EHMT1: variants seen among roughly 807,000 people sequenced by gnomAD.
EHMT1 encodes euchromatic histone lysine methyltransferase 1.
Under a neutral mutation model 147.2 loss-of-function variants are expected in EHMT1, and 15 were observed. The observed-to-expected ratio is 0.10, with a 90% CI of 0.07 to 0.16. The LOEUF is 0.16. EHMT1 is among the 10% of genes least tolerant of loss of function. EHMT1 has a pLI of 1.00. For synonymous variants in EHMT1, 795 were observed against 709.6 expected (o/e 1.12, Z -1.91); for missense variants, 1,587 against 1,772.4 (o/e 0.90, Z 1.88).
chr9:137,653,025 G>T (rs1345289162), intron 1 of EHMT1, among the ~76,000 whole-genome samples: 1 of 152,130 alleles, frequency 6.6e-6, no homozygotes, highest in Non-Finnish European at 1.5e-5. Context: ...ACTGTGCCTG[G>T]CCTTAGATGG....
chr9:137,790,950 G>A lies in EHMT1; in HGVS notation c.2485G>A (p.Gly829Arg). 1.2e-6 allele frequency: 2 copies of A among 1,614,178 alleles called. No individual in the cohort carries two copies. Among genetic ancestry groups the A allele is most frequent in the Non-Finnish European group, 1.7e-6 (2 of 1,180,034 alleles). Residue 829 changes from glycine (G) to arginine (R), a missense_variant, in exon 16 of 27, where the codon GGG becomes AGG. Gly to Arg is a moderately radical substitution (Grantham distance 125, BLOSUM62 -2). Coordinates refer to ENST00000460843, the MANE Select transcript of EHMT1 (RefSeq NM_024757.5). ...AGCAGTGAAGTACCTCATCAAGGCT[G>A]GGGCCCTGGTGGATCCCAAGGTATG... Reference protein sequence around the residue: ...LEAVKYLIKAGALVDPKDAEG... With the variant: ...LEAVKYLIKARALVDPKDAEG...
chr9:137,735,272 G>A (rs1489064159), intron 4 of EHMT1, among the ~76,000 whole-genome samples: 5 of 152,206 alleles, frequency 3.3e-5, no homozygotes, highest in African/African-American at 1.2e-4. Context: ...GAACAGATAT[G>A]TAAAGGAGCA....
At chr9:137,633,531 C>G (rs946717250) in intron 1 of EHMT1, among the ~76,000 whole-genome samples, 1 of 152,078 alleles carries the variant, frequency 6.6e-6, no homozygotes, top group Non-Finnish European at 1.5e-5. Flanking sequence ...CAGTATCAGT[C>G]CAGGAGCAGA....
intron 4 of EHMT1, among the ~76,000 whole-genome samples, chr9:137,741,226 T>C (rs1948050316): frequency 6.6e-6 from 1 of 152,048 alleles, no homozygotes; most frequent in South Asian, 2.1e-4. Context: ...TCCACCCGCC[T>C]CGGCCTCGCA....
At position 137,811,327 on chromosome 9, in the gene EHMT1, C is replaced by A. The variant is rs1313571530; in HGVS notation, c.2713-134C>A. On this transcript the variant is annotated intron_variant, in intron 18 of 26. Coordinates refer to ENST00000460843, the MANE Select transcript of EHMT1 (RefSeq NM_024757.5). Reference sequence around the variant, plus strand: ...CGGTGACCTGTGGCACCCTTTCCACCTGGCCCTGCTGCGGACGGCCACGCA... The same window carrying A: ...CGGTGACCTGTGGCACCCTTTCCACATGGCCCTGCTGCGGACGGCCACGCA... The A allele has an allele frequency of 4.0e-6, 5 of 1,237,122 alleles. No homozygotes were observed. The East Asian group carries it at 7.2e-5, about 18-fold the overall frequency. 76.6% of individuals were successfully genotyped at this position (1,237,122 alleles called of 1,614,324 possible). A position where few individuals can be genotyped will look rare whatever the true frequency, so the allele number is the denominator to read the frequency against.
At chr9:137,779,918 A>G (rs1187777567) in intron 14 of EHMT1, among the ~76,000 whole-genome samples, 2 of 152,250 alleles carry the variant, frequency 1.3e-5, no homozygotes, top group African/African-American at 4.8e-5. Context: ...GTTACGCAAG[A>G]TATTAGAACT....
Position 137,716,758 on chromosome 9 carries a change from C to G in EHMT1, c.218C>G (p.Thr73Ser). The G allele has an allele frequency of 6.2e-7, 1 of 1,613,016 alleles. No homozygotes were observed. Among genetic ancestry groups the G allele is most frequent in the South Asian group, 1.1e-5 (1 of 91,092 alleles). ...ASSHANAAKH[T>S]QDSARVNPQD... The stretch of plus-strand genomic sequence containing the variant: ...AGTCATGCAAATGCTGCAAAGCACA[C>G]TCAGGACAGCGCAAGGGTCAACCCC... The change falls in exon 3 of 27, where the codon ACT becomes AGT. Residue 73 changes from threonine to serine, a missense_variant. Thr to Ser is a moderately conservative substitution (Grantham distance 58). Around this residue, in one of 7 missense-constraint regions of EHMT1, gnomAD observed 810 missense variants for 673.0 expected, o/e 1.20. Transcript: ENST00000460843.
intron 1 of EHMT1, among the ~76,000 whole-genome samples, chr9:137,694,048 C>T (rs1469915627): frequency 1.0e-5 from 1 of 99,582 alleles, no homozygotes; most frequent in African/African-American, 4.2e-5. Context: ...CTGGCCGATA[C>T]CCCCCACACA....
intron 1 of EHMT1, among the ~76,000 whole-genome samples, chr9:137,640,013 T>C (rs1458618392): frequency 1.3e-5 from 2 of 152,172 alleles, no homozygotes; most frequent in East Asian, 3.9e-4. Flanking sequence ...TGGCTCACCG[T>C]AACCTCTGCC....
intron 9 of EHMT1, 64 bp downstream of exon 9, chr9:137,758,075 C>G: frequency 4.4e-6 from 7 of 1,608,422 alleles, no homozygotes; most frequent in Non-Finnish European, 6.0e-6. Flanking sequence ...GGGCTCCTTC[C>G]TCTGTATTAG....
chr9:137,740,951 A>G (rs1354797438), intron 4 of EHMT1, among the ~76,000 whole-genome samples: 2 of 144,414 alleles, frequency 1.4e-5, no homozygotes, highest in African/African-American at 5.3e-5. Context: ...TACAGATGTG[A>G]GCCACTGCAC....
chr9:137,708,006 C>CTAA lies in EHMT1; in HGVS notation c.22-2959_22-2957dup, dbSNP rs572190719. Among the ~76,000 whole-genome samples the CTAA allele has an allele frequency of 4.6e-5, 7 of 152,162 alleles. No individual in the cohort carries two copies. In the South Asian group the frequency reaches 1.5e-3, roughly 32 times the overall value. Reference sequence around the variant, plus strand: ...AGGGCTCTTGTTTATTGGGTTGTATCTAATGATAGTTACTGTAAAAGAAAT... The same window carrying CTAA: ...AGGGCTCTTGTTTATTGGGTTGTATCTAATAATGATAGTTACTGTAAAAGAAAT... On this transcript the variant is annotated intron_variant, in intron 1 of 26. Coordinates refer to ENST00000460843, the MANE Select transcript of EHMT1 (RefSeq NM_024757.5).
intron 14 of EHMT1, among the ~76,000 whole-genome samples, chr9:137,781,526 C>A (rs142204732): frequency 6.6e-6 from 1 of 152,298 alleles, no homozygotes; most frequent in East Asian, 1.9e-4. Flanking sequence ...CTGTGCTGAT[C>A]GCAGCAGCTG....
intron 16 of EHMT1, among the ~76,000 whole-genome samples, chr9:137,796,800 C>G (rs1432244474): frequency 2.2e-5 from 3 of 138,680 alleles, no homozygotes; most frequent in Non-Finnish European, 3.1e-5. Flanking sequence ...ATATGACCAA[C>G]AAGCAGATGA....
chr9:137,817,680 A>G (rs1955030072), intron 24 of EHMT1, 155 bp downstream of exon 24: 6 of 923,042 alleles, frequency 6.5e-6, no homozygotes, highest in Non-Finnish European at 1.0e-5. Flanking sequence ...CCCGAGAACC[A>G]AGCTCGTGCT....
intron 1 of EHMT1, among the ~76,000 whole-genome samples, chr9:137,678,651 CAT>C (rs925678249): frequency 6.6e-5 from 10 of 151,914 alleles, no homozygotes; most frequent in Non-Finnish European, 1.5e-5. Flanking sequence ...TTCTTAGACA[CAT>C]ATACCGATGG....
chr9:137,795,428 C>CA (rs57203379), intron 16 of EHMT1, among the ~76,000 whole-genome samples: 2 of 13,010 alleles, frequency 1.5e-4, no homozygotes, highest in African/African-American at 4.6e-4. Flanking sequence ...CACACACACA[C>CA]TCTCACACTC....
rs1198304172 is a variant in EHMT1, at chr9:137,834,360, T to G, written c.3552T>G (p.Val1184=). ...LFDLDNKDGE[V]YCIDARFYGN... ...TTCTCGCCCTGCAGGACGGGGAGGT[T>G]TACTGCATCGACGCGCGGTTCTACG... The change falls in exon 26 of 27, where the codon GTT becomes GTG. Residue 1184 remains valine, a synonymous_variant. Coordinates refer to ENST00000460843, the MANE Select transcript of EHMT1 (RefSeq NM_024757.5). 1.2e-6 allele frequency: 2 copies of G among 1,613,038 alleles called. No homozygotes were observed. Among genetic ancestry groups the G allele is most frequent in the South Asian group, 2.2e-5 (2 of 91,082 alleles).
rs567129615 is a variant in EHMT1 at position 137,657,417 on chromosome 9, A to G, written c.21+38368A>G. On this transcript the variant is annotated intron_variant, in intron 1 of 26. Coordinates refer to ENST00000460843, the MANE Select transcript of EHMT1 (RefSeq NM_024757.5). ...GAGGTGAGAGGCTGTCGCGCTCGTT[A>G]GGATGAGAGGGTGGTGGTTTGAGTG... Among the ~76,000 whole-genome samples, 12 of 151,040 alleles carry G rather than the reference A, an allele frequency of 7.9e-5. No homozygotes were observed. The East Asian group carries it at 2.2e-3, about 27-fold the overall frequency.
Sources: gnomAD v4.1 joint callset for allele counts (sites outside exome capture counted in the v4.1 genomes callset) on GRCh38, gnomAD v4.1.1 for gene constraint, gnomAD v4.1.1 regional missense constraint, MANE v1.5 for transcripts, NCBI Gene and HGNC (gene_info 2026-07-23, HGNC 2026-07-21) for gene names.